CAB39: variants seen among roughly 807,000 people sequenced by gnomAD.
CAB39 encodes calcium-binding protein 39.
Under a neutral mutation model 40.0 loss-of-function variants are expected in CAB39, and 8 were observed. The ratio of observed to expected loss-of-function variants is 0.20; its 90% CI spans 0.12 to 0.36. The LOEUF is 0.36. CAB39 is among the 10% of genes least tolerant of loss of function. CAB39 has a pLI of 1.00. For synonymous variants in CAB39, 156 were observed against 141.6 expected (o/e 1.10, Z -0.72); for missense variants, 270 against 401.1 (o/e 0.67, Z 2.79).
chr2:230,818,928 A>G lies in CAB39; in HGVS notation c.*224A>G. ...TTTCTCTTGATCTTTGTGTCATTTC[A>G]GAATTCAAAGACTGTGCTACGGGAG... On this transcript the variant is annotated 3_prime_UTR_variant, in exon 9 of 9. Transcript: ENST00000258418. The G allele has an allele frequency of 2.2e-6, 1 of 449,318 alleles. No homozygotes were observed. The highest frequency in any genetic ancestry group is 2.0e-5 in the African/African-American group (1 of 50,190). The allele number at this position is 449,318 out of a possible 1,614,324, so 27.8% of individuals were successfully genotyped here.
rs1408052300 is a variant in CAB39 at position 230,782,809 on chromosome 2, C to CTTTTT, written c.115-8060_115-8059insTTTTT. ...CTGCTGTTTCTTTCTTTCTTTCTTTCTTTCTTTTTTTTTTTTTTTTTTTGA... is the reference window on the plus strand; with the variant it reads ...CTGCTGTTTCTTTCTTTCTTTCTTTCTTTTTTTTCTTTTTTTTTTTTTTTTTTTGA... On this transcript the variant is annotated intron_variant, in intron 2 of 8. Transcript: ENST00000258418. Among the ~76,000 whole-genome samples the CTTTTT allele has an allele frequency of 7.7e-4, 87 of 112,416 alleles. 3 individuals are homozygous for CTTTTT. Among genetic ancestry groups the CTTTTT allele is most frequent in the African/African-American group, 3.7e-3 (77 of 21,030 alleles). 73.7% of individuals were successfully genotyped at this position (112,416 alleles called of 152,430 possible). A position where few individuals can be genotyped will look rare whatever the true frequency, so the allele number is the denominator to read the frequency against.
chr2:230,719,160 A>T (rs1313808060), intron 1 of CAB39, among the ~76,000 whole-genome samples: 1 of 152,224 alleles, frequency 6.6e-6, no homozygotes, highest in African/African-American at 2.4e-5. Context: ...AAATTAACAA[A>T]AATTAGTTAG....
chr2:230,726,336 G>C (rs1392351661), intron 1 of CAB39, among the ~76,000 whole-genome samples: 2 of 150,712 alleles, frequency 1.3e-5, no homozygotes, highest in Non-Finnish European at 3.0e-5. Flanking sequence ...CTAATTTTTT[G>C]TATTTTTTTT....
Position 230,713,612 on chromosome 2 carries a change from C to G in CAB39, c.-44+382C>G, listed in dbSNP as rs540989068. On this transcript the variant is annotated intron_variant, in intron 1 of 8. Coordinates refer to ENST00000258418, the MANE Select transcript of CAB39 (RefSeq NM_016289.4). ...ACCGGCTGCACCCGGGCTTCAGCGCCTCGCTCCCGCCCCTGGTAAACTTCC... is the reference window on the plus strand; with the variant it reads ...ACCGGCTGCACCCGGGCTTCAGCGCGTCGCTCCCGCCCCTGGTAAACTTCC... 3.9e-5 allele frequency: 6 copies of G among 152,438 alleles called. No homozygotes were observed. In the East Asian group the frequency reaches 1.2e-3, roughly 29 times the overall value. 9.4% of individuals were successfully genotyped at this position (152,438 alleles called of 1,614,324 possible).
intron 1 of CAB39, among the ~76,000 whole-genome samples, chr2:230,745,069 A>G (rs1381770719): frequency 6.6e-6 from 1 of 152,240 alleles, no homozygotes; most frequent in Non-Finnish European, 1.5e-5. Context: ...GCCTTTTTTA[A>G]GAGGAACATA....
intron 2 of CAB39, among the ~76,000 whole-genome samples, chr2:230,762,503 G>A (rs561122547): frequency 1.3e-5 from 2 of 152,276 alleles, no homozygotes; most frequent in South Asian, 2.1e-4. Context: ...AAGAGCAGAG[G>A]TACCCAAGAC....
chr2:230,784,542 C>T (rs192158237), intron 2 of CAB39, among the ~76,000 whole-genome samples: 5 of 151,976 alleles, frequency 3.3e-5, no homozygotes, highest in African/African-American at 1.2e-4. Flanking sequence ...AATGGCCTAG[C>T]CAAGGTGAAT....
At chr2:230,762,638 A>G (rs1195011948) in intron 2 of CAB39, among the ~76,000 whole-genome samples, 1 of 152,238 alleles carries the variant, frequency 6.6e-6, no homozygotes, top group Non-Finnish European at 1.5e-5. Context: ...ATGAAAGGAT[A>G]ATGTGTATGT....
intron 1 of CAB39, among the ~76,000 whole-genome samples, chr2:230,722,972 T>C (rs1265641630): frequency 6.6e-6 from 1 of 152,228 alleles, no homozygotes; most frequent in Non-Finnish European, 1.5e-5. Context: ...TTATATAGTT[T>C]TAAAACTATT....
chr2:230,756,661 G>GTTTATTTA (rs577181012), intron 1 of CAB39, among the ~76,000 whole-genome samples: 205 of 95,394 alleles, frequency 2.1e-3, no homozygotes, highest in South Asian at 4.5e-3. Flanking sequence ...CTAACTGTTT[G>GTTTATTTA]TTTATTTATT....
rs1012997419 is a variant in CAB39 at position 230,819,775 on chromosome 2, G to C, written c.*1071G>C. 6.6e-6 allele frequency: 1 copy of C among 152,212 alleles called. No homozygotes were observed. Among genetic ancestry groups the C allele is most frequent in the Non-Finnish European group, 1.5e-5 (1 of 68,034 alleles). The allele number at this position is 152,212 out of a possible 1,614,324, so 9.4% of individuals were successfully genotyped here. ...CAGCCACACCTTCCTGCATCCTATT[G>C]GCCTTATTCATTTTAAATGAGTTAA... is the stretch of plus-strand genomic sequence containing the variant. On this transcript the variant is annotated 3_prime_UTR_variant, in exon 9 of 9. Transcript: ENST00000258418.
chr2:230,738,137 C>A (rs752288228), intron 1 of CAB39, among the ~76,000 whole-genome samples: 10 of 152,196 alleles, frequency 6.6e-5, no homozygotes, highest in African/African-American at 2.4e-4. Flanking sequence ...GAAACGTCTC[C>A]GCTGAAGTCT....
At chr2:230,756,112 A>G (rs887261239) in intron 1 of CAB39, among the ~76,000 whole-genome samples, 3 of 152,214 alleles carry the variant, frequency 2.0e-5, no homozygotes, top group African/African-American at 7.2e-5. Context: ...GCATTGTCTG[A>G]AGGTCACACA....
chr2:230,712,995 C>T lies in CAB39; in HGVS notation c.-279C>T, dbSNP rs190687810. On this transcript the variant is annotated 5_prime_UTR_variant, in exon 1 of 9. Coordinates refer to ENST00000258418, the MANE Select transcript of CAB39 (RefSeq NM_016289.4). Reference sequence around the variant, plus strand: ...GGGCCCCACAGCAGCAGCCGCAGCCCAAGCGAGCGCAGCAGCGCGGCGGCA... The same window carrying T: ...GGGCCCCACAGCAGCAGCCGCAGCCTAAGCGAGCGCAGCAGCGCGGCGGCA... 0.017 allele frequency: 2,551 copies of T among 151,062 alleles called. 68 individuals carry two copies. The highest frequency in any genetic ancestry group is 0.052 in the African/African-American group (2,155 of 41,406). The allele number at this position is 151,062 out of a possible 1,614,324, so 9.4% of individuals were successfully genotyped here.
At chr2:230,802,741 G>A (rs1243793276) in intron 5 of CAB39, among the ~76,000 whole-genome samples, 2 of 152,138 alleles carry the variant, frequency 1.3e-5, no homozygotes, top group East Asian at 3.8e-4. Flanking sequence ...ACCAATAACA[G>A]GCTCTGAAAT....
At chr2:230,782,628 T>C (rs1157414987) in intron 2 of CAB39, among the ~76,000 whole-genome samples, 1 of 152,088 alleles carries the variant, frequency 6.6e-6, no homozygotes, top group Non-Finnish European at 1.5e-5. Context: ...TGTGAGACCA[T>C]AGGGAATTAC....
chr2:230,796,245 G>C (rs1430683855), intron 4 of CAB39, among the ~76,000 whole-genome samples: 1 of 152,154 alleles, frequency 6.6e-6, no homozygotes, highest in Non-Finnish European at 1.5e-5. Flanking sequence ...TATCTTCTTA[G>C]GCTGTGAGTA....
chr2:230,806,105 TAATA>T (rs1575960023), intron 5 of CAB39, among the ~76,000 whole-genome samples: 1 of 152,088 alleles, frequency 6.6e-6, no homozygotes, highest in Admixed American at 6.5e-5. Context: ...AACACAATAA[TAATA>T]AATACAAAAT....
At chr2:230,752,654 A>G (rs1477508480) in intron 1 of CAB39, among the ~76,000 whole-genome samples, 2 of 152,252 alleles carry the variant, frequency 1.3e-5, no homozygotes, top group Non-Finnish European at 2.9e-5. Context: ...ATTTTAAGGT[A>G]TATTCAGACC....
Sources: allele counts gnomAD v4.1 joint callset (sites outside exome capture counted in the v4.1 genomes callset), GRCh38; gene constraint gnomAD v4.1.1; transcripts MANE v1.5; gene names NCBI Gene and HGNC (gene_info 2026-07-23, HGNC 2026-07-21).